Variants in GALNT13 observed in about 807,000 individuals in gnomAD.
GALNT13 encodes polypeptide N-acetylgalactosaminyltransferase 13, also known as UDP-GalNAc:polypeptide N-acetylgalactosaminyltransferase 13.
Under a neutral mutation model 64.2 loss-of-function variants are expected in GALNT13, and 28 were observed. That is an observed-to-expected ratio of 0.44 (90% CI 0.32 to 0.60). The LOEUF (loss-of-function observed/expected upper bound fraction) is 0.60. Among genes scored for constraint, GALNT13 ranks in the 20% least tolerant of loss-of-function variants. GALNT13 has a pLI of 0.05. For synonymous variants in GALNT13, 214 were observed against 224.6 expected (o/e 0.95, Z 0.42); for missense variants, 577 against 669.8 (o/e 0.86, Z 1.53).
chr2:153,192,155 A>G, the GALNT13 span, among the ~76,000 whole-genome samples: 1 of 151,512 alleles, frequency 6.6e-6, no homozygotes, highest in African/African-American at 2.4e-5. Context: ...ACATCTTTCT[A>G]CTTTTTTGAT....
chr2:154,327,088 G>A (rs901522446), intron 9 of GALNT13, among the ~76,000 whole-genome samples: 1 of 151,988 alleles, frequency 6.6e-6, no homozygotes, highest in Non-Finnish European at 1.5e-5. Flanking sequence ...ATTGAATCAT[G>A]GGGCAGTTTC....
chr2:153,493,551 T>C, the GALNT13 span, among the ~76,000 whole-genome samples: 1 of 151,930 alleles, frequency 6.6e-6, no homozygotes, highest in Non-Finnish European at 1.5e-5. Flanking sequence ...CTGTCACAAT[T>C]TGAAGAGGAA....
At chr2:153,305,785 T>C in the GALNT13 span, among the ~76,000 whole-genome samples, 1 of 152,216 alleles carries the variant, frequency 6.6e-6, no homozygotes, top group African/African-American at 2.4e-5. Context: ...AGTTCATTAC[T>C]TCCCCCATGA....
the GALNT13 span, among the ~76,000 whole-genome samples, chr2:153,834,978 C>A: frequency 9.2e-5 from 14 of 152,128 alleles, no homozygotes; most frequent in African/African-American, 3.4e-4. Context: ...TTGGTAGAAA[C>A]TCAATTGAGA....
the GALNT13 span, among the ~76,000 whole-genome samples, chr2:153,321,522 C>T: frequency 6.6e-6 from 1 of 152,178 alleles, no homozygotes; most frequent in Non-Finnish European, 1.5e-5. Context: ...AAAAATCTAT[C>T]ACCTTCATTT....
At chr2:153,870,755 G>C (rs1051402699), upstream of GALNT13, among the ~76,000 whole-genome samples, 2 of 149,738 alleles carry the variant, frequency 1.3e-5, no homozygotes, top group Non-Finnish European at 3.0e-5. Flanking sequence ...ATGATTAATA[G>C]TATCATATGT....
chr2:154,262,317 G>T (rs1199417520), intron 8 of GALNT13, among the ~76,000 whole-genome samples: 1 of 152,128 alleles, frequency 6.6e-6, no homozygotes, highest in Non-Finnish European at 1.5e-5. Flanking sequence ...GAACCTAACA[G>T]TTGATGGTAT....
chr2:153,831,167 T>C, the GALNT13 span, among the ~76,000 whole-genome samples: 2 of 152,228 alleles, frequency 1.3e-5, no homozygotes, highest in South Asian at 4.1e-4. Flanking sequence ...ACTGTTACTA[T>C]GCTTGTTGAC....
the GALNT13 span, among the ~76,000 whole-genome samples, chr2:153,701,630 T>A: frequency 6.6e-6 from 1 of 152,056 alleles, no homozygotes; most frequent in Non-Finnish European, 1.5e-5. Flanking sequence ...GAACTTAAAT[T>A]TATGAGAAAA....
the GALNT13 span, among the ~76,000 whole-genome samples, chr2:153,747,864 T>C: frequency 1.3e-5 from 2 of 152,196 alleles, no homozygotes; most frequent in Admixed American, 1.3e-4. Flanking sequence ...TCACTCTTTT[T>C]GTGGCTGAAT....
chr2:153,570,277 C>T, the GALNT13 span, among the ~76,000 whole-genome samples: 2 of 151,952 alleles, frequency 1.3e-5, no homozygotes, highest in African/African-American at 4.8e-5. Flanking sequence ...AAATCTTTGC[C>T]CACTTTTTAT....
chr2:153,864,425 A>G, the GALNT13 span, among the ~76,000 whole-genome samples: 1 of 152,154 alleles, frequency 6.6e-6, no homozygotes, highest in Non-Finnish European at 1.5e-5. Flanking sequence ...CTTTGAAGCA[A>G]TTGTGAATGG....
intron 1 of GALNT13, among the ~76,000 whole-genome samples, chr2:153,874,049 T>C (rs528678314): frequency 4.7e-4 from 72 of 152,046 alleles, no homozygotes; most frequent in African/African-American, 1.6e-3. Context: ...AGAATGACTT[T>C]TGCATTACAT....
the GALNT13 span, among the ~76,000 whole-genome samples, chr2:153,764,050 G>A: frequency 6.6e-6 from 1 of 152,178 alleles, no homozygotes; most frequent in African/African-American, 2.4e-5. Flanking sequence ...TAGTGATATG[G>A]ACAATGAAGT....
intron 4 of GALNT13, 78 bp downstream of exon 4, chr2:154,140,583 G>A: frequency 9.9e-7 from 1 of 1,010,468 alleles, no homozygotes; most frequent in Non-Finnish European, 1.5e-6. Context: ...AGCTAACTCA[G>A]ATTATATCAA....
At chr2:154,029,476 T>C (rs758499109) in intron 3 of GALNT13, among the ~76,000 whole-genome samples, 2 of 152,088 alleles carry the variant, frequency 1.3e-5, no homozygotes, top group Non-Finnish European at 2.9e-5. Context: ...CTAGAGGAAT[T>C]TGAAGCCTGT....
chr2:153,398,183 T>A, the GALNT13 span, among the ~76,000 whole-genome samples: 1 of 151,998 alleles, frequency 6.6e-6, no homozygotes, highest in African/African-American at 2.4e-5. Flanking sequence ...TCTGGTTTTT[T>A]GTTCTTGCGA....
chr2:153,598,405 C>A, the GALNT13 span, among the ~76,000 whole-genome samples: 1 of 152,034 alleles, frequency 6.6e-6, no homozygotes, highest in Admixed American at 6.6e-5. Context: ...TCTCTCCCTT[C>A]ATTCAGGTGG....
the GALNT13 span, among the ~76,000 whole-genome samples, chr2:153,607,340 C>G: frequency 6.6e-6 from 1 of 151,996 alleles, no homozygotes; most frequent in East Asian, 1.9e-4. Flanking sequence ...ACTTGGTAAA[C>G]AATAAATATA....
Sources: allele counts gnomAD v4.1 joint callset (sites outside exome capture counted in the v4.1 genomes callset), GRCh38; gene constraint gnomAD v4.1.1; transcripts MANE v1.5; gene names NCBI Gene and HGNC (gene_info 2026-07-23, HGNC 2026-07-21).